The following STXBP5L variants were observed in gnomAD, a reference collection of about 807,000 sequenced individuals.
STXBP5L encodes the protein syntaxin binding protein 5L.
STXBP5L carries 65 observed loss-of-function variants against 144.5 expected under a neutral mutation model. The observed-to-expected ratio is 0.45, with a 90% CI of 0.37 to 0.55. The LOEUF is 0.55. STXBP5L is among the 20% of genes least tolerant of loss of function. The pLI is 0.00. For synonymous variants in STXBP5L, 505 were observed against 469.6 expected (o/e 1.08, Z -0.97); for missense variants, 1,298 against 1,405.5 (o/e 0.92, Z 1.22).
chr3:121,419,788 T>C lies in STXBP5L; in HGVS notation c.*691T>C, dbSNP rs907222245. 7.9e-5 allele frequency: 12 copies of C among 152,234 alleles called. No homozygotes were observed. Among genetic ancestry groups the C allele is most frequent in the African/African-American group, 2.4e-4 (10 of 41,462 alleles). 9.4% of individuals were successfully genotyped at this position (152,234 alleles called of 1,614,324 possible). On this transcript the variant is annotated 3_prime_UTR_variant, in exon 27 of 27. Coordinates refer to ENST00000471454, the MANE Select transcript of STXBP5L (RefSeq NM_001308330.2). ...ATCAAATATTGCCAGTATAGTAAAT[T>C]ATTCCCAACACAATCAGTTTCATTT...
intron 18 of STXBP5L, among the ~76,000 whole-genome samples, chr3:121,266,199 C>A (rs1288295028): frequency 6.6e-6 from 1 of 152,190 alleles, no homozygotes; most frequent in Admixed American, 6.5e-5. Flanking sequence ...AGACCAATAT[C>A]CCTGATGAAC....
intron 9 of STXBP5L, among the ~76,000 whole-genome samples, chr3:121,193,038 C>A (rs879514429): frequency 2.1e-5 from 3 of 142,732 alleles, no homozygotes; most frequent in African/African-American, 7.7e-5. Flanking sequence ...AATAGGCAAC[C>A]TACAGAATGG....
intron 6 of STXBP5L, among the ~76,000 whole-genome samples, chr3:121,119,941 C>A (rs1577006894): frequency 6.6e-6 from 1 of 151,208 alleles, no homozygotes; most frequent in African/African-American, 2.4e-5. Flanking sequence ...GATCTAAACA[C>A]AAGAGTCTTG....
chr3:121,000,478 TA>T (rs935172460), intron 3 of STXBP5L, among the ~76,000 whole-genome samples: 2 of 152,186 alleles, frequency 1.3e-5, no homozygotes, highest in Non-Finnish European at 2.9e-5. Context: ...GGTTCTTTCT[TA>T]AATGGCTATT....
At chr3:120,989,934 C>T (rs1049556721) in intron 3 of STXBP5L, among the ~76,000 whole-genome samples, 2 of 152,160 alleles carry the variant, frequency 1.3e-5, no homozygotes, top group Non-Finnish European at 2.9e-5. Context: ...TTCTGCTCAA[C>T]ATAGTGTTGG....
rs1944422831 is a variant in STXBP5L at position 121,007,469 on chromosome 3, C to T, written c.288-34231C>T. Reference sequence around the variant, plus strand: ...TGTGAAATTAGTGTTTTTTTAATTCCTTAAATGTTTGCTGGAATTCAACAG... The same window carrying T: ...TGTGAAATTAGTGTTTTTTTAATTCTTTAAATGTTTGCTGGAATTCAACAG... On this transcript the variant is annotated intron_variant, in intron 3 of 26. Coordinates refer to ENST00000471454, the MANE Select transcript of STXBP5L (RefSeq NM_001308330.2). Among the ~76,000 whole-genome samples, 2 of 151,630 alleles carry T rather than the reference C, an allele frequency of 1.3e-5. 1 individual carries two copies. Among genetic ancestry groups the T allele is most frequent in the South Asian group, 4.2e-4 (2 of 4,814 alleles).
At chr3:121,130,938 A>G (rs2044957705) in intron 7 of STXBP5L, among the ~76,000 whole-genome samples, 1 of 152,088 alleles carries the variant, frequency 6.6e-6, no homozygotes, top group Non-Finnish European at 1.5e-5. Flanking sequence ...TCATATATCA[A>G]TAGAATTATA....
chr3:121,014,787 A>G (rs943117694), intron 3 of STXBP5L, among the ~76,000 whole-genome samples: 26 of 152,224 alleles, frequency 1.7e-4, no homozygotes, highest in African/African-American at 6.3e-4. Context: ...AAAAATCTCA[A>G]TGAATCTAAA....
intron 9 of STXBP5L, among the ~76,000 whole-genome samples, chr3:121,171,380 T>C (rs912971781): frequency 2.0e-5 from 3 of 152,054 alleles, no homozygotes; most frequent in Non-Finnish European, 4.4e-5. Context: ...GAGAAAGAAA[T>C]AAAGGGTATT....
intron 20 of STXBP5L, among the ~76,000 whole-genome samples, chr3:121,374,045 C>T (rs1047328596): frequency 2.6e-5 from 4 of 152,180 alleles, no homozygotes; most frequent in African/African-American, 9.7e-5. Context: ...GAACCAAGAA[C>T]TGGCCTACTG....
At chr3:121,388,322 A>G (rs2046481807) in intron 22 of STXBP5L, among the ~76,000 whole-genome samples, 1 of 152,342 alleles carries the variant, frequency 6.6e-6, no homozygotes, top group South Asian at 2.1e-4. Flanking sequence ...TTTTCTAAAT[A>G]TACAATCATG....
At chr3:121,393,900 T>C (rs1205795959) in intron 22 of STXBP5L, among the ~76,000 whole-genome samples, 1 of 152,194 alleles carries the variant, frequency 6.6e-6, no homozygotes, top group Non-Finnish European at 1.5e-5. Flanking sequence ...AGGATTTCTT[T>C]GGCTATTCAG....
chr3:121,411,711 A>G (rs2047117682), intron 23 of STXBP5L, among the ~76,000 whole-genome samples: 1 of 152,132 alleles, frequency 6.6e-6, no homozygotes, highest in African/African-American at 2.4e-5. Flanking sequence ...CTTATTAGTC[A>G]TGCCTCCAGT....
At chr3:120,985,571 A>AT (rs531149488) in intron 3 of STXBP5L, among the ~76,000 whole-genome samples, 2 of 151,722 alleles carry the variant, frequency 1.3e-5, no homozygotes, top group African/African-American at 2.4e-5. Flanking sequence ...CAGAGATGAG[A>AT]TTTTTTTGAC....
intron 9 of STXBP5L, among the ~76,000 whole-genome samples, chr3:121,168,166 C>T (rs1026371062): frequency 3.9e-5 from 6 of 152,084 alleles, no homozygotes; most frequent in Non-Finnish European, 5.9e-5. Flanking sequence ...CACTGAGAAA[C>T]CCCATCTGAA....
intron 5 of STXBP5L, among the ~76,000 whole-genome samples, chr3:121,090,849 A>C (rs1167308148): frequency 6.6e-6 from 1 of 151,984 alleles, no homozygotes; most frequent in Non-Finnish European, 1.5e-5. Flanking sequence ...ACATATGTAT[A>C]CATGTGACAT....
At chr3:121,123,735 G>T (rs752490761) in intron 7 of STXBP5L, among the ~76,000 whole-genome samples, 4 of 151,742 alleles carry the variant, frequency 2.6e-5, no homozygotes, top group Non-Finnish European at 5.9e-5. Flanking sequence ...CAAAATAAAT[G>T]AATATTGGCA....
At chr3:121,390,125 C>T (rs1010549150) in intron 22 of STXBP5L, among the ~76,000 whole-genome samples, 2 of 152,174 alleles carry the variant, frequency 1.3e-5, no homozygotes, top group Non-Finnish European at 2.9e-5. Context: ...GAGTTGATCC[C>T]TTTACCATTA....
At chr3:121,079,133 G>C (rs549698057) in intron 5 of STXBP5L, among the ~76,000 whole-genome samples, 1 of 152,248 alleles carries the variant, frequency 6.6e-6, no homozygotes, top group Non-Finnish European at 1.5e-5. Context: ...GACCAAAAAA[G>C]GTGGAGGAAA....
Sources: allele counts gnomAD v4.1 joint callset (sites outside exome capture counted in the v4.1 genomes callset), GRCh38; gene constraint gnomAD v4.1.1; transcripts MANE v1.5; gene names NCBI Gene and HGNC (gene_info 2026-07-23, HGNC 2026-07-21).